Variants in RPS6KB2 observed in about 807,000 individuals in gnomAD.
The protein encoded by RPS6KB2 is ribosomal protein S6 kinase B2, also known as ribosomal protein S6 kinase beta-2.
In RPS6KB2, 51 loss-of-function variants were observed where a neutral mutation model predicts 58.2. The ratio of observed to expected loss-of-function variants is 0.88; its 90% CI spans 0.70 to 1.11. RPS6KB2 has a LOEUF of 1.11. Ranked by LOEUF, RPS6KB2 falls within the 50% of genes least tolerant of loss-of-function variation. RPS6KB2 has a pLI of 0.00. For missense variants in RPS6KB2, 671 were observed against 655.8 expected (o/e 1.02, Z -0.25); for synonymous variants, 293 against 258.6 (o/e 1.13, Z -1.28).
intron 10 of RPS6KB2, 148 bp from the exon 11 acceptor site, chr11:67,433,847 T>C: frequency 3.4e-6 from 3 of 883,316 alleles, no homozygotes; most frequent in Non-Finnish European, 5.5e-6. Context: ...GACCAAACCT[T>C]GAAAGCCCTG....
At position 67,428,606 on chromosome 11, in the gene RPS6KB2, C is replaced by G. The variant is rs1325190517; in HGVS notation, c.61C>G (p.Pro21Ala). Reference sequence around the variant, plus strand: ...GGAAGGCAGCGAGGGCGAGGGCGAGCCAGAGCTCAGCCCCGCGGTGAGTGC... The same window carrying G: ...GGAAGGCAGCGAGGGCGAGGGCGAGGCAGAGCTCAGCCCCGCGGTGAGTGC... ...TEEGSEGEGEPELSPADACPL... is the reference protein window; with the variant it reads ...TEEGSEGEGEAELSPADACPL... The change falls in exon 1 of 15, where the codon CCA (proline) becomes GCA (alanine). Residue 21 changes from proline (P) to alanine (A), a missense_variant. Physicochemically the swap from Pro to Ala is conservative, Grantham distance 27. Coordinates refer to ENST00000312629, the MANE Select transcript of RPS6KB2 (RefSeq NM_003952.3). The G allele has an allele frequency of 1.2e-6, 2 of 1,610,736 alleles. No individual in the cohort carries two copies. Among genetic ancestry groups the G allele is most frequent in the South Asian group, 1.1e-5 (1 of 90,978 alleles).
Position 67,432,659 on chromosome 11 carries a change from T to G in RPS6KB2, c.515+2T>G, listed in dbSNP as rs768582843. The G allele has an allele frequency of 1.2e-6, 2 of 1,613,930 alleles. No individual in the cohort carries two copies. The highest frequency in any genetic ancestry group is 1.7e-6 in the Non-Finnish European group (2 of 1,179,958). On this transcript the variant is annotated splice_donor_variant, in intron 6 of 14. Coordinates refer to ENST00000312629, the MANE Select transcript of RPS6KB2 (RefSeq NM_003952.3). LOFTEE classifies it high-confidence loss of function. ...CATCTTCCTGGAAGATACGGCCTGG[T>G]GGGTGTTAATCCTCCGCTTTCCTGA...
chr11:67,432,429 C>T (rs1590973884), intron 5 of RPS6KB2, 171 bp from the exon 6 acceptor site: 3 of 747,722 alleles, frequency 4.0e-6, no homozygotes, highest in Non-Finnish European at 4.7e-6. Context: ...GGCCAGGCAC[C>T]GAGTAGGCGT....
chr11:67,428,506 G>A lies in RPS6KB2; in HGVS notation c.-40G>A. The stretch of plus-strand genomic sequence containing the variant: ...GTCCGGGACTGTCAGTCAGTGCGCG[G>A]CCAGGTACGGGCCGACGGGCCCGCG... On this transcript the variant is annotated 5_prime_UTR_variant, in exon 1 of 15. Transcript: ENST00000312629. 3.8e-6 allele frequency: 6 copies of A among 1,569,976 alleles called. No homozygotes were observed. The highest frequency in any genetic ancestry group is 5.2e-6 in the Non-Finnish European group (6 of 1,151,618).
intron 10 of RPS6KB2, 99 bp downstream of exon 10, chr11:67,433,546 G>A: frequency 2.2e-6 from 2 of 904,678 alleles, no homozygotes; most frequent in Admixed American, 2.1e-5. Context: ...ACCCCGGCCT[G>A]TGCAGTTTGC....
intron 1 of RPS6KB2, 172 bp from the exon 2 acceptor site, chr11:67,428,810 C>G (rs1187538334): frequency 3.2e-6 from 3 of 951,802 alleles, no homozygotes; most frequent in East Asian, 2.6e-5. Context: ...GAACCCCAGC[C>G]TTTTCTCCCG....
chr11:67,430,825 G>T (rs973576563), intron 4 of RPS6KB2: 1 of 152,628 alleles, frequency 6.6e-6, no homozygotes, highest in Admixed American at 6.5e-5. Context: ...CCCACGATGC[G>T]CAGGGCAGCC....
rs55850698 is a variant in RPS6KB2, at chr11:67,434,230, C to T, written c.1002C>T (p.Asp334=). Residue 334 remains aspartate, a synonymous_variant, in exon 12 of 15, where the codon GAC becomes GAT. Coordinates refer to ENST00000312629, the MANE Select transcript of RPS6KB2 (RefSeq NM_003952.3). The stretch of plus-strand genomic sequence containing the variant: ...CCTTTTTCCGGCACATGAATTGGGA[C>T]GACCTTCTGGCCTGGCGTGTGGACC... ...RHPFFRHMNW[D]DLLAWRVDPP... 16 of 1,613,832 alleles carry T rather than the reference C, an allele frequency of 9.9e-6. No homozygotes were observed. The highest frequency in any genetic ancestry group is 1.6e-4 in the Middle Eastern group (1 of 6,084).
rs1409025104 is a variant in RPS6KB2, at chr11:67,435,269, G to A, written c.*100G>A. On this transcript the variant is annotated 3_prime_UTR_variant, in exon 15 of 15. Coordinates refer to ENST00000312629, the MANE Select transcript of RPS6KB2 (RefSeq NM_003952.3). ...TTCCAGAGACCTGGGGGTGTGTCTG[G>A]GGGTGGGGTGTGAGTGCGTATGAAA... 8.9e-7 allele frequency: 1 copy of A among 1,129,614 alleles called. No individual in the cohort carries two copies. The highest frequency in any genetic ancestry group is 1.2e-6 in the Non-Finnish European group (1 of 819,566). The allele number at this position is 1,129,614 out of a possible 1,614,324, so 70.0% of individuals were successfully genotyped here. A position where few individuals can be genotyped will look rare whatever the true frequency, so the allele number is the denominator to read the frequency against.
In RPS6KB2 at chr11:67,433,463, C is replaced by G. The variant is rs769542520; in HGVS notation, c.906+16C>G. 4 of 1,578,946 alleles carry G rather than the reference C, an allele frequency of 2.5e-6. No individual in the cohort carries two copies. In the South Asian group the frequency reaches 4.4e-5, roughly 17 times the overall value. On this transcript the variant is annotated intron_variant, in intron 10 of 14. Transcript: ENST00000312629. ...TGTCAAAAAGGTGCAGCTCCCTTCT[C>G]TCTTCTCCGGGGCCCTGCCAGCCAT... is the stretch of plus-strand genomic sequence containing the variant.
chr11:67,429,242 T>A lies in RPS6KB2; in HGVS notation c.240+2T>A. 1 of 1,612,518 alleles carries A rather than the reference T, an allele frequency of 6.2e-7. No homozygotes were observed. The highest frequency in any genetic ancestry group is 8.5e-7 in the Non-Finnish European group (1 of 1,179,952). On this transcript the variant is annotated splice_donor_variant, in intron 3 of 14. Coordinates refer to ENST00000312629, the MANE Select transcript of RPS6KB2 (RefSeq NM_003952.3). LOFTEE classifies it high-confidence loss of function. The stretch of plus-strand genomic sequence containing the variant: ...CTGGGCAAGGGGGGCTATGGCAAGG[T>A]AGGGGCGGGCGCACCCTCCTCCTGG...
chr11:67,434,730 G>C, intron 14 of RPS6KB2, 36 bp downstream of exon 14: 1 of 1,507,170 alleles, frequency 6.6e-7, no homozygotes, highest in Non-Finnish European at 9.0e-7. Context: ...GCTGGGTTAG[G>C]GACGCTGGCA....
rs1863956636 is a variant in RPS6KB2, at chr11:67,429,542, A to C, written c.256A>C (p.Lys86Gln). The C allele has an allele frequency of 6.2e-7, 1 of 1,613,372 alleles. No individual in the cohort carries two copies. Among genetic ancestry groups the C allele is most frequent in the East Asian group, 2.2e-5 (1 of 44,862 alleles). ...GGYGKVFQVR[K>Q]VQGTNLGKIY... is the part of the protein sequence containing the mutation. ...TGCCCTACAGGTGTTCCAGGTGCGA[A>C]AGGTGCAAGGCACCAACTTGGGCAA... The change falls in exon 4 of 15, where the codon AAG becomes CAG. Residue 86 changes from lysine (K) to glutamine (Q), a missense_variant. Lys to Gln is a moderately conservative substitution (Grantham distance 53, BLOSUM62 1). Transcript: ENST00000312629.
chr11:67,431,471 T>C lies in RPS6KB2; in HGVS notation c.413T>C (p.Phe138Ser). 1 of 1,614,120 alleles carries C rather than the reference T, an allele frequency of 6.2e-7. No individual in the cohort carries two copies. Among genetic ancestry groups the C allele is most frequent in the Non-Finnish European group, 8.5e-7 (1 of 1,179,992 alleles). The change falls in exon 5 of 15, where the codon TTC (phenylalanine) becomes TCC (serine). Residue 138 changes from phenylalanine to serine, a missense_variant. Phe to Ser is a radical substitution (Grantham distance 155, BLOSUM62 -2). Coordinates refer to ENST00000312629, the MANE Select transcript of RPS6KB2 (RefSeq NM_003952.3). Reference sequence around the variant, plus strand: ...TTTATTGTGGAACTGGCCTATGCCTTCCAGACTGGTGGCAAACTCTACCTC... The same window carrying C: ...TTTATTGTGGAACTGGCCTATGCCTCCCAGACTGGTGGCAAACTCTACCTC... ...HPFIVELAYA[F>S]QTGGKLYLIL...
chr11:67,431,190 C>T (rs1312454132), intron 4 of RPS6KB2, 178 bp from the exon 5 acceptor site: 2 of 543,770 alleles, frequency 3.7e-6, no homozygotes, highest in Non-Finnish European at 6.5e-6. Context: ...CCATCATACC[C>T]AGCTAATTTT....
intron 4 of RPS6KB2, chr11:67,430,986 G>GT (rs1264980641): frequency 6.0e-6 from 1 of 165,484 alleles, no homozygotes; most frequent in African/African-American, 2.4e-5. Flanking sequence ...GGATGCAGCA[G>GT]TTAACAAACA....
intron 10 of RPS6KB2, 91 bp from the exon 11 acceptor site, chr11:67,433,904 G>C: frequency 1.4e-6 from 2 of 1,425,616 alleles, no homozygotes; most frequent in Non-Finnish European, 2.0e-6. Context: ...TCTCTCCCAT[G>C]TCACCTGACC....
At chr11:67,430,904 G>A (rs1279932765) in intron 4 of RPS6KB2, 2 of 155,684 alleles carry the variant, frequency 1.3e-5, no homozygotes, top group African/African-American at 2.4e-5. Flanking sequence ...TGTGTTAGAG[G>A]ATAAACCCAT....
intron 9 of RPS6KB2, 44 bp from the exon 10 acceptor site, chr11:67,433,296 G>C: frequency 6.3e-7 from 1 of 1,598,246 alleles, no homozygotes; most frequent in Non-Finnish European, 8.6e-7. Context: ...GGCAGGGCCT[G>C]GTGGGAGGCC....
Sources: gnomAD v4.1 joint callset for allele counts on GRCh38, gnomAD v4.1.1 for gene constraint, MANE v1.5 for transcripts, NCBI Gene and HGNC (gene_info 2026-07-23, HGNC 2026-07-21) for gene names.